Variants in ITGB1 observed in about 807,000 individuals in gnomAD.
ITGB1 encodes integrin beta-1.
Under a neutral mutation model 86.5 loss-of-function variants are expected in ITGB1, and 24 were observed. That is an observed-to-expected ratio of 0.28 (90% CI 0.20 to 0.39). The LOEUF (loss-of-function observed/expected upper bound fraction) is 0.39. ITGB1 is among the 10% of genes least tolerant of loss of function. The probability of loss-of-function intolerance (pLI) is 1.00; values close to 1 mark genes in which losing one functional copy is unlikely to be tolerated. For synonymous variants in ITGB1, 323 were observed against 316.8 expected, an observed-to-expected ratio of 1.02 and a Z score of -0.21; for missense variants, 556 against 946.9, an observed-to-expected ratio of 0.59 and a Z score of 5.42.
intron 13 of ITGB1, 38 bp downstream of exon 13, chr10:32,911,410 G>T (rs1040203468): frequency 1.3e-6 from 2 of 1,539,296 alleles, no homozygotes; most frequent in Admixed American, 1.7e-5. Context: ...GAGCCAAGAG[G>T]AAGTATCAAC....
At chr10:32,920,434 T>C in intron 9 of ITGB1, 49 bp from the exon 10 acceptor site, 4 of 1,558,724 alleles carry the variant, frequency 2.6e-6, no homozygotes, top group South Asian at 1.1e-5. Flanking sequence ...AAAATGCTAC[T>C]TGAATGCATA....
At chr10:32,923,816 G>T in intron 6 of ITGB1, 76 bp from the exon 7 acceptor site, 1 of 1,173,150 alleles carries the variant, frequency 8.5e-7, no homozygotes, top group Non-Finnish European at 1.2e-6. Context: ...TTTCATATAG[G>T]CCACCATTGT....
At chr10:32,922,392 CA>C (rs1484129957) in intron 8 of ITGB1, 46 bp from the exon 9 acceptor site, 2 of 1,308,886 alleles carry the variant, frequency 1.5e-6, no homozygotes, top group African/African-American at 2.9e-5. Context: ...GCTATTCATT[CA>C]ACCAATTAGG....
chr10:32,931,753 G>A (rs2094984093), intron 3 of ITGB1, among the ~76,000 whole-genome samples: 1 of 152,084 alleles, frequency 6.6e-6, no homozygotes. Context: ...ATGCCTGCAT[G>A]AAAACAAAAT....
At position 32,901,549 on chromosome 10, in the gene ITGB1, T is replaced by C. The variant is rs1341773093; in HGVS notation, c.*21A>G. 6.8e-7 allele frequency: 1 copy of C among 1,473,982 alleles called. No individual in the cohort carries two copies. Among genetic ancestry groups the C allele is most frequent in the African/African-American group, 1.4e-5 (1 of 72,210 alleles). The allele number at this position is 1,473,982 out of a possible 1,614,324, so 91.3% of individuals were successfully genotyped here. On this transcript the variant is annotated 3_prime_UTR_variant, in exon 16 of 16. Coordinates refer to ENST00000302278, the MANE Select transcript of ITGB1 (RefSeq NM_002211.4). Reference sequence around the variant, plus strand: ...AATTGCTACTTTGCATTCAGTGTTGTGGGATTTGCACGGGCAGTACTCATT... The same window carrying C: ...AATTGCTACTTTGCATTCAGTGTTGCGGGATTTGCACGGGCAGTACTCATT...
intron 4 of ITGB1, among the ~76,000 whole-genome samples, chr10:32,929,469 C>G (rs190516660): frequency 6.6e-6 from 1 of 152,182 alleles, no homozygotes; most frequent in African/African-American, 2.4e-5. Context: ...TAATACTAAA[C>G]AAATACAAAG....
intron 5 of ITGB1, among the ~76,000 whole-genome samples, chr10:32,927,140 C>T (rs1028146030): frequency 6.6e-6 from 1 of 152,120 alleles, no homozygotes; most frequent in African/African-American, 2.4e-5. Context: ...GATAGGAGCT[C>T]CCTAATGCCA....
chr10:32,951,614 A>C (rs2095042787), intron 1 of ITGB1: 1 of 152,164 alleles, frequency 6.6e-6, no homozygotes, highest in African/African-American at 2.4e-5. Context: ...TGAGCAAAAA[A>C]CCTGCCCGAA....
At chr10:32,913,679 T>C (rs1263183202) in intron 11 of ITGB1, among the ~76,000 whole-genome samples, 2 of 152,094 alleles carry the variant, frequency 1.3e-5, no homozygotes, top group African/African-American at 4.8e-5. Flanking sequence ...AAAGACCAAA[T>C]CGATGTCTGA....
At chr10:32,920,610 T>C (rs2094946382) in intron 9 of ITGB1, among the ~76,000 whole-genome samples, 1 of 152,182 alleles carries the variant, frequency 6.6e-6, no homozygotes, top group Non-Finnish European at 1.5e-5. Context: ...ATTCCTGTTT[T>C]AATCACTGAG....
Position 32,938,584 on chromosome 10 carries a change from A to G in ITGB1, c.1-3026T>C, listed in dbSNP as rs1342663707. Among the ~76,000 whole-genome samples the G allele has an allele frequency of 3.9e-5, 6 of 152,194 alleles. No homozygotes were observed. In the East Asian group the frequency reaches 1.2e-3, roughly 29 times the overall value. On this transcript the variant is annotated intron_variant, in intron 1 of 15. Coordinates refer to ENST00000302278, the MANE Select transcript of ITGB1 (RefSeq NM_002211.4). ...CAAGGCAAAAAGTCAACCTTCTGAA[A>G]CCCTTGTGCCTCCGGAAGAGCTCCA...
chr10:32,952,143 T>A (rs1342415703), intron 1 of ITGB1, among the ~76,000 whole-genome samples: 1 of 152,124 alleles, frequency 6.6e-6, no homozygotes, highest in African/African-American at 2.4e-5. Flanking sequence ...CAGTAAGCTG[T>A]AAACAGTATC....
At chr10:32,950,419 C>T (rs1244272076) in intron 1 of ITGB1, among the ~76,000 whole-genome samples, 1 of 152,136 alleles carries the variant, frequency 6.6e-6, no homozygotes, top group African/African-American at 2.4e-5. Context: ...TTTCCCCTTA[C>T]AGGAAGAACA....
Position 32,916,233 on chromosome 10 carries a change from C to T in ITGB1, c.1469+3652G>A, listed in dbSNP as rs548854688. On this transcript the variant is annotated intron_variant, in intron 11 of 15. Coordinates refer to ENST00000302278, the MANE Select transcript of ITGB1 (RefSeq NM_002211.4). ...TGAATGGGCAAAAACTGGAAGCATT[C>T]CCTTTGAAAACTGGCACAAGACAGG... is the stretch of plus-strand genomic sequence containing the variant. Among the ~76,000 whole-genome samples, 53 of 152,278 alleles carry T rather than the reference C, an allele frequency of 3.5e-4. No homozygotes were observed. In the East Asian group the frequency reaches 9.8e-3, roughly 28 times the overall value.
At chr10:32,939,003 A>G (rs1249478274) in intron 1 of ITGB1, among the ~76,000 whole-genome samples, 1 of 152,154 alleles carries the variant, frequency 6.6e-6, no homozygotes, top group East Asian at 1.9e-4. Flanking sequence ...CCCCCTGCAC[A>G]TGCGCATGGA....
intron 1 of ITGB1, among the ~76,000 whole-genome samples, chr10:32,940,712 T>C (rs926114298): frequency 6.6e-6 from 1 of 152,258 alleles, no homozygotes; most frequent in Non-Finnish European, 1.5e-5. Flanking sequence ...TACCTTACTC[T>C]CTGCATTCAT....
intron 14 of ITGB1, among the ~76,000 whole-genome samples, chr10:32,909,878 T>A (rs2094907649): frequency 6.6e-6 from 1 of 152,188 alleles, no homozygotes; most frequent in South Asian, 2.1e-4. Context: ...GTATTCAAGC[T>A]TAAATCAAGC....
intron 11 of ITGB1, among the ~76,000 whole-genome samples, chr10:32,914,964 T>G (rs892642072): frequency 1.3e-5 from 2 of 152,170 alleles, no homozygotes; most frequent in Non-Finnish European, 2.9e-5. Flanking sequence ...TAACAAACTG[T>G]CTCTCAGACC....
At chr10:32,919,446 A>G (rs144786470) in intron 11 of ITGB1, among the ~76,000 whole-genome samples, 1 of 152,348 alleles carries the variant, frequency 6.6e-6, no homozygotes, top group Non-Finnish European at 1.5e-5. Context: ...CCAACAATGC[A>G]GAAGTACATG....
Sources: gnomAD v4.1 joint callset for allele counts (sites outside exome capture counted in the v4.1 genomes callset) on GRCh38, gnomAD v4.1.1 for gene constraint, MANE v1.5 for transcripts, NCBI Gene and HGNC (gene_info 2026-07-23, HGNC 2026-07-21) for gene names.